The following ZSCAN32 variants were observed in gnomAD, a reference collection of about 807,000 sequenced individuals.
ZSCAN32 encodes the protein zinc finger and SCAN domain containing 32.
In ZSCAN32, 52 loss-of-function variants were observed where a neutral mutation model predicts 47.4. The observed-to-expected ratio is 1.10, with a 90% CI of 0.88 to 1.38. The LOEUF is 1.38. ZSCAN32 is among the 40% of genes most tolerant of loss of function. The pLI is 0.00. For synonymous variants in ZSCAN32, 346 were observed against 305.7 expected, an observed-to-expected ratio of 1.13 and a Z score of -1.38; for missense variants, 959 against 846.0, an observed-to-expected ratio of 1.13 and a Z score of -1.66.
intron 3 of ZSCAN32, 43 bp from the exon 4 acceptor site, chr16:3,390,560 A>G (rs896996744): frequency 6.8e-7 from 1 of 1,472,970 alleles, no homozygotes; most frequent in African/African-American, 1.4e-5. Flanking sequence ...GCTTCCACAC[A>G]ACAGCACAGA....
At chr16:3,399,648 G>T (rs2033701742) in intron 1 of ZSCAN32, among the ~76,000 whole-genome samples, 1 of 152,080 alleles carries the variant, frequency 6.6e-6, no homozygotes, top group South Asian at 2.1e-4. Flanking sequence ...GTCTCACTCT[G>T]TTGCCCAGGC....
chr16:3,383,232 T>C lies in ZSCAN32; in HGVS notation c.1714A>G (p.Thr572Ala). The C allele has an allele frequency of 1.2e-6, 2 of 1,614,128 alleles. No individual in the cohort carries two copies. Among genetic ancestry groups the C allele is most frequent in the Non-Finnish European group, 1.7e-6 (2 of 1,179,974 alleles). Residue 572 changes from threonine (T) to alanine (A), a missense_variant, in exon 7 of 7, where the codon ACA (threonine) becomes GCA (alanine). Physicochemically the swap from Thr to Ala is moderately conservative, Grantham distance 58. Coordinates refer to ENST00000396852, the MANE Select transcript of ZSCAN32 (RefSeq NM_001284527.2). The part of the protein sequence containing the change: ...SNLTAHLRTH[T>A]GERPYQCGQC... ...CCACACTGATAGGGCCTCTCCCCTG[T>C]GTGAGTTCGTAGGTGGGCAGTGAGG... is the stretch of plus-strand genomic sequence containing the variant.
At chr16:3,388,853 CG>C (rs2032323384) in intron 5 of ZSCAN32, among the ~76,000 whole-genome samples, 1 of 151,800 alleles carries the variant, frequency 6.6e-6, no homozygotes, top group South Asian at 2.1e-4. Context: ...AGGGGAAGGA[CG>C]GGGAGAAACT....
At chr16:3,400,437 G>A (rs1404250712) in intron 1 of ZSCAN32, among the ~76,000 whole-genome samples, 8 of 152,086 alleles carry the variant, frequency 5.3e-5, no homozygotes, top group Admixed American at 5.2e-4. Flanking sequence ...TGCAGAAGGC[G>A]GAACCTGCAC....
At chr16:3,394,626 C>A (rs1321270147) in intron 2 of ZSCAN32, among the ~76,000 whole-genome samples, 3 of 152,172 alleles carry the variant, frequency 2.0e-5, no homozygotes, top group Non-Finnish European at 4.4e-5. Context: ...TCCTGTCCCT[C>A]CGTAGTAACA....
At chr16:3,384,265 G>T in intron 6 of ZSCAN32, 194 bp downstream of exon 6, 1 of 714,166 alleles carries the variant, frequency 1.4e-6, no homozygotes, top group Non-Finnish European at 2.3e-6. Flanking sequence ...AAAGAGGTTG[G>T]CAAATGCAAA....
At chr16:3,390,219 G>A in intron 4 of ZSCAN32, 86 bp from the exon 5 acceptor site, 2 of 1,488,918 alleles carry the variant, frequency 1.3e-6, no homozygotes, top group Non-Finnish European at 1.8e-6. Flanking sequence ...ACAGTTGTCA[G>A]ATCAGGGGCA....
chr16:3,383,686 T>C lies in ZSCAN32; in HGVS notation c.1260A>G (p.Lys420=). ...RLGFEFKNEI[K]KENLKWDDSE... is the part of the protein sequence containing the mutation. ...AATCATCCCATTTTAGATTTTCTTT[T>C]TTAATCTCGTTCTTGAACTCAAAAC... Residue 420 remains lysine, a synonymous_variant, in exon 7 of 7, where the codon AAA becomes AAG. Coordinates refer to ENST00000396852, the MANE Select transcript of ZSCAN32 (RefSeq NM_001284527.2). 6.3e-7 allele frequency: 1 copy of C among 1,589,220 alleles called. No homozygotes were observed. Among genetic ancestry groups the C allele is most frequent in the Non-Finnish European group, 8.5e-7 (1 of 1,173,586 alleles).
chr16:3,387,100 G>T (rs560583770), intron 5 of ZSCAN32, among the ~76,000 whole-genome samples: 5 of 152,074 alleles, frequency 3.3e-5, no homozygotes, highest in Admixed American at 3.3e-4. Flanking sequence ...GACTTATAGG[G>T]TTATTTACTA....
intron 1 of ZSCAN32, among the ~76,000 whole-genome samples, chr16:3,400,069 G>C (rs1028796345): frequency 6.6e-6 from 1 of 152,154 alleles, no homozygotes; most frequent in African/African-American, 2.4e-5. Context: ...GGACTACTGA[G>C]CTGTACACTT....
chr16:3,387,730 A>G (rs1480880246), intron 5 of ZSCAN32, among the ~76,000 whole-genome samples: 1 of 152,150 alleles, frequency 6.6e-6, no homozygotes. Context: ...TTTCAACCCA[A>G]CAGCCAGAGG....
In ZSCAN32 at chr16:3,390,471, A is replaced by C. The variant is rs1567314142; in HGVS notation, c.579T>G (p.Gly193=). The change falls in exon 4 of 7, where the codon GGT becomes GGG. Residue 193 remains glycine (G), a synonymous_variant. Transcript: ENST00000396852. ...CAGCACCTGTCTCCTGGTCGTGGAG[A>C]CCTGTGTTTTGAGGCAGGTTCCTGG... ...QAPRNLPQNT[G]LHDQETGAVV... 1 of 1,549,676 alleles carries C rather than the reference A, an allele frequency of 6.5e-7. No individual in the cohort carries two copies.
rs184876537 is a variant in ZSCAN32, at chr16:3,400,438, G to A, written c.-188+507C>T. ...CTCTTCTAACTTCATGCAGAAGGCG[G>A]AACCTGCACCCTTCTTGACCCCTTT... is the stretch of plus-strand genomic sequence containing the variant. On this transcript the variant is annotated intron_variant, in intron 1 of 6. Coordinates refer to ENST00000396852, the MANE Select transcript of ZSCAN32 (RefSeq NM_001284527.2). Among the ~76,000 whole-genome samples, 3 of 152,142 alleles carry A rather than the reference G, an allele frequency of 2.0e-5. No homozygotes were observed. In the East Asian group the frequency reaches 5.8e-4, roughly 29 times the overall value.
At chr16:3,395,045 T>A (rs1269761802) in intron 2 of ZSCAN32, among the ~76,000 whole-genome samples, 3 of 152,218 alleles carry the variant, frequency 2.0e-5, no homozygotes, top group African/African-American at 7.2e-5. Context: ...GTTTCCCCCA[T>A]GGACCGCGGG....
Position 3,382,982 on chromosome 16 carries a change from T to G in ZSCAN32, c.1964A>C (p.His655Pro). 1 of 1,614,140 alleles carries G rather than the reference T, an allele frequency of 6.2e-7. No individual in the cohort carries two copies. The highest frequency in any genetic ancestry group is 8.5e-7 in the Non-Finnish European group (1 of 1,179,996). The part of the protein sequence containing the change: ...SSHFSAHRKT[H>P]TGEKPYRCSH... ...ACACCTGTAAGGCTTTTCACCAGTG[T>G]GGGTTTTTCGGTGGGCACTGAAGTG... The change falls in exon 7 of 7, where the codon CAC (histidine) becomes CCC (proline). Residue 655 changes from histidine to proline, a missense_variant. Coordinates refer to ENST00000396852, the MANE Select transcript of ZSCAN32 (RefSeq NM_001284527.2).
Position 3,384,913 on chromosome 16 carries a change from C to T in ZSCAN32, c.780G>A (p.Glu260=). 6.2e-7 allele frequency: 1 copy of T among 1,613,806 alleles called. No individual in the cohort carries two copies. Among genetic ancestry groups the T allele is most frequent in the Non-Finnish European group, 8.5e-7 (1 of 1,180,012 alleles). Residue 260 remains glutamate, a synonymous_variant, in exon 6 of 7, where the codon GAG becomes GAA. Coordinates refer to ENST00000396852, the MANE Select transcript of ZSCAN32 (RefSeq NM_001284527.2). ...LATGVPWGYE[E]TKTLLAILSS... ...TAAGAATAGCCAGGAGCGTCTTGGT[C>T]TCTTCATAGCCCCAGGGCACACCTG...
intron 5 of ZSCAN32, among the ~76,000 whole-genome samples, chr16:3,386,587 T>C (rs1156251542): frequency 6.6e-6 from 1 of 152,198 alleles, no homozygotes; most frequent in African/African-American, 2.4e-5. Flanking sequence ...GTGGCATGTA[T>C]ACACCATGGA....
chr16:3,388,598 T>G (rs921398075), intron 5 of ZSCAN32, among the ~76,000 whole-genome samples: 3 of 152,226 alleles, frequency 2.0e-5, no homozygotes, highest in African/African-American at 7.2e-5. Context: ...TGAGATACTG[T>G]AGGCACTAAA....
At chr16:3,393,998 T>TA (rs933989943) in intron 2 of ZSCAN32, among the ~76,000 whole-genome samples, 184 bp from the exon 3 acceptor site, 5 of 152,110 alleles carry the variant, frequency 3.3e-5, no homozygotes, top group Non-Finnish European at 5.9e-5. Flanking sequence ...GGCAGTAGCT[T>TA]ACGCCTGTAA....
Sources: allele counts gnomAD v4.1 joint callset (sites outside exome capture counted in the v4.1 genomes callset), GRCh38; gene constraint gnomAD v4.1.1; transcripts MANE v1.5; gene names NCBI Gene and HGNC (gene_info 2026-07-23, HGNC 2026-07-21).